ANKRD12: variants seen among roughly 807,000 people sequenced by gnomAD.
ANKRD12 encodes the protein ankyrin repeat domain-containing protein 12.
Under a neutral mutation model 183.4 loss-of-function variants are expected in ANKRD12, and 85 were observed. The ratio of observed to expected loss-of-function variants is 0.46; its 90% CI spans 0.39 to 0.56. The LOEUF (loss-of-function observed/expected upper bound fraction) is 0.56, where lower values mean the gene tolerates loss of function less well. Ranked by LOEUF, ANKRD12 falls within the 20% of genes least tolerant of loss-of-function variation. The probability of loss-of-function intolerance (pLI) is 0.00; values close to 1 mark genes in which losing one functional copy is unlikely to be tolerated. For synonymous variants in ANKRD12, 914 were observed against 800.2 expected, an observed-to-expected ratio of 1.14 and a Z score of -2.40; for missense variants, 2,405 against 2,357.1, an observed-to-expected ratio of 1.02 and a Z score of -0.42.
intron 1 of ANKRD12, among the ~76,000 whole-genome samples, chr18:9,166,517 T>G (rs1345092699): frequency 1.3e-5 from 2 of 152,204 alleles, no homozygotes; most frequent in Non-Finnish European, 2.9e-5. Context: ...CATAAATGTC[T>G]TCTTTTGAGA....
At chr18:9,164,611 G>A (rs897216736) in intron 1 of ANKRD12, among the ~76,000 whole-genome samples, 7 of 151,984 alleles carry the variant, frequency 4.6e-5, no homozygotes, top group Admixed American at 2.0e-4. Context: ...CTTTGCATTC[G>A]TTTCCAAGAA....
intron 1 of ANKRD12, among the ~76,000 whole-genome samples, chr18:9,177,783 C>T (rs528590592): frequency 5.3e-5 from 8 of 152,174 alleles, no homozygotes; most frequent in African/African-American, 1.4e-4. Context: ...TCTCTACCTT[C>T]GTGAGATCAA....
intron 1 of ANKRD12, among the ~76,000 whole-genome samples, chr18:9,176,081 GT>G: frequency 6.6e-6 from 1 of 152,242 alleles, no homozygotes; most frequent in Non-Finnish European, 1.5e-5. Context: ...CTTGAGTTGT[GT>G]TTTTTGATTC....
intron 7 of ANKRD12, 74 bp downstream of exon 7, chr18:9,216,974 T>C (rs939329116): frequency 7.2e-7 from 1 of 1,382,070 alleles, no homozygotes; most frequent in Non-Finnish European, 1.0e-6. Flanking sequence ...TTTCATTCAC[T>C]TCTTAGTCAT....
intron 1 of ANKRD12, among the ~76,000 whole-genome samples, chr18:9,146,705 A>G (rs186412726): frequency 6.6e-6 from 1 of 152,284 alleles, no homozygotes; most frequent in East Asian, 1.9e-4. Flanking sequence ...GGCAGGGAAA[A>G]CAGTTTATAA....
chr18:9,152,434 T>TA (rs766240849), intron 1 of ANKRD12, among the ~76,000 whole-genome samples: 1 of 152,172 alleles, frequency 6.6e-6, no homozygotes, highest in Non-Finnish European at 1.5e-5. Flanking sequence ...AATAGGTCCT[T>TA]AAAAAACAGG....
chr18:9,198,939 A>G (rs1468304795), intron 3 of ANKRD12, among the ~76,000 whole-genome samples: 1 of 152,132 alleles, frequency 6.6e-6, no homozygotes, highest in African/African-American at 2.4e-5. Flanking sequence ...GTGTTGAGTA[A>G]TATAGGATTT....
chr18:9,267,010 G>C (rs1206116092), intron 10 of ANKRD12, among the ~76,000 whole-genome samples: 1 of 152,050 alleles, frequency 6.6e-6, no homozygotes, highest in Non-Finnish European at 1.5e-5. Context: ...AAGATCAAAA[G>C]AGACAAAGAA....
chr18:9,208,903 CT>C (rs1206166630), intron 5 of ANKRD12, 100 bp downstream of exon 5: 4 of 1,176,084 alleles, frequency 3.4e-6, no homozygotes, highest in Non-Finnish European at 4.6e-6. Flanking sequence ...AATTTTTATT[CT>C]TTCTTGGATT....
intron 3 of ANKRD12, 43 bp from the exon 4 acceptor site, chr18:9,204,428 TCCCTC>T: frequency 3.0e-6 from 4 of 1,341,708 alleles, no homozygotes; most frequent in Non-Finnish European, 4.3e-6. Context: ...ATTCTGCATT[TCCCTC>T]CGTGTGCTTT....
intron 1 of ANKRD12, among the ~76,000 whole-genome samples, chr18:9,145,854 A>T (rs540567924): frequency 1.3e-5 from 2 of 152,346 alleles, no homozygotes; most frequent in East Asian, 3.9e-4. Context: ...AAGGGTTTAG[A>T]CCCCAATTGT....
chr18:9,148,041 A>G (rs1033416671), intron 1 of ANKRD12, among the ~76,000 whole-genome samples: 1 of 152,194 alleles, frequency 6.6e-6, no homozygotes, highest in African/African-American at 2.4e-5. Context: ...TACAGTGGCT[A>G]TTAGATTCTA....
chr18:9,254,149 A>T, intron 8 of ANKRD12, 62 bp from the exon 9 acceptor site: 3 of 1,438,842 alleles, frequency 2.1e-6, no homozygotes, highest in Non-Finnish European at 2.7e-6. Context: ...AGAAAAAAAA[A>T]TTATTTTTCT....
At chr18:9,186,250 A>G (rs1455698748) in intron 2 of ANKRD12, among the ~76,000 whole-genome samples, 2 of 152,080 alleles carry the variant, frequency 1.3e-5, no homozygotes, top group African/African-American at 4.8e-5. Context: ...GCAAAAACCA[A>G]ATACTTCACT....
intron 10 of ANKRD12, among the ~76,000 whole-genome samples, chr18:9,268,967 A>C (rs2039452997): frequency 6.6e-6 from 1 of 152,208 alleles, no homozygotes; most frequent in Non-Finnish European, 1.5e-5. Context: ...GAGCATTCTT[A>C]TACACCAATA....
chr18:9,205,170 A>T (rs370119455), intron 4 of ANKRD12, among the ~76,000 whole-genome samples: 1 of 152,204 alleles, frequency 6.6e-6, no homozygotes, highest in Non-Finnish European at 1.5e-5. Flanking sequence ...ATTGCTCCAG[A>T]TAGAATACAA....
At chr18:9,189,855 A>C (rs1466009549) in intron 2 of ANKRD12, among the ~76,000 whole-genome samples, 2 of 152,230 alleles carry the variant, frequency 1.3e-5, no homozygotes, top group Non-Finnish European at 2.9e-5. Context: ...TGACAGAGAC[A>C]TACAAAGAGA....
chr18:9,140,503 C>G (rs192284002), intron 1 of ANKRD12, among the ~76,000 whole-genome samples: 13 of 152,298 alleles, frequency 8.5e-5, no homozygotes, highest in African/African-American at 3.1e-4. Context: ...CATGTATACT[C>G]ATGCATTCAT....
chr18:9,279,922 G>A (rs1031295634), intron 12 of ANKRD12, among the ~76,000 whole-genome samples: 4 of 152,204 alleles, frequency 2.6e-5, no homozygotes, highest in South Asian at 2.1e-4. Context: ...TGAACATAAC[G>A]AAAGAATAGG....
Sources: gnomAD v4.1 joint callset for allele counts (sites outside exome capture counted in the v4.1 genomes callset) on GRCh38, gnomAD v4.1.1 for gene constraint, MANE v1.5 for transcripts, NCBI Gene and HGNC (gene_info 2026-07-23, HGNC 2026-07-21) for gene names.